The following PCDHA3 variants were observed in gnomAD, a reference collection of about 807,000 sequenced individuals.
The protein encoded by PCDHA3 is protocadherin alpha-3.
In PCDHA3, 41 loss-of-function variants were observed where a neutral mutation model predicts 62.2. The observed-to-expected ratio is 0.66, with a 90% confidence interval of 0.51 to 0.86. The LOEUF is 0.86. Ranked by LOEUF, PCDHA3 falls within the 40% of genes least tolerant of loss-of-function variation. The pLI is 0.00. For synonymous variants in PCDHA3, 640 were observed against 555.4 expected, an observed-to-expected ratio of 1.15 and a Z score of -2.14; for missense variants, 1,304 against 1,241.2, an observed-to-expected ratio of 1.05 and a Z score of -0.76.
At chr5:140,860,155 ATATATATATG>A (rs1439486095) in intron 1 of PCDHA3, 1 of 149,648 alleles carries the variant, frequency 6.7e-6, no homozygotes, top group Non-Finnish European at 1.5e-5. Flanking sequence ...ATATATGTGT[ATATATATATG>A]TATATATATA....
chr5:140,806,023 A>C (rs1763668138), intron 1 of PCDHA3, among the ~76,000 whole-genome samples: 1 of 152,204 alleles, frequency 6.6e-6, no homozygotes, highest in Non-Finnish European at 1.5e-5. Flanking sequence ...TGCTTATAAG[A>C]GATAAATTAA....
Position 141,010,327 on chromosome 5 carries a change from G to T in PCDHA3, c.*390G>T, listed in dbSNP as rs2098416942. 5 of 1,539,742 alleles carry T rather than the reference G, an allele frequency of 3.2e-6. No individual in the cohort carries two copies. The highest frequency in any genetic ancestry group is 2.4e-5 in the South Asian group (2 of 82,532). On this transcript the variant is annotated 3_prime_UTR_variant, in exon 4 of 4. Transcript: ENST00000522353. ...AAAGTTTTGAGATTGAGCAGCTTGGGAGTTTGTGGCCACTGGGTATGTGTG... is the reference window on the plus strand; with the variant it reads ...AAAGTTTTGAGATTGAGCAGCTTGGTAGTTTGTGGCCACTGGGTATGTGTG...
At chr5:140,865,692 T>C (rs2048967146) in intron 1 of PCDHA3, 1 of 152,212 alleles carries the variant, frequency 6.6e-6, no homozygotes, top group Non-Finnish European at 1.5e-5. Context: ...ATATGACTGT[T>C]CCAATTTGAA....
chr5:140,993,819 G>A (rs2097583362), intron 3 of PCDHA3, among the ~76,000 whole-genome samples: 1 of 152,142 alleles, frequency 6.6e-6, no homozygotes, highest in Non-Finnish European at 1.5e-5. Context: ...AGGAGCAATA[G>A]GCTATACCAT....
At chr5:141,007,299 T>C (rs550659664) in intron 3 of PCDHA3, among the ~76,000 whole-genome samples, 9 of 151,686 alleles carry the variant, frequency 5.9e-5, no homozygotes, top group African/African-American at 2.2e-4. Context: ...GCCTGTAATC[T>C]TAGCATTTTG....
At chr5:140,836,314 G>T (rs2150257460) in intron 1 of PCDHA3, 2 of 1,613,658 alleles carry the variant, frequency 1.2e-6, no homozygotes, top group South Asian at 1.1e-5. Flanking sequence ...GACGCACCGC[G>T]CCACCGCCTT....
chr5:140,818,145 ATACGGCTTC>A (rs2150049293), intron 1 of PCDHA3, among the ~76,000 whole-genome samples: 1 of 152,356 alleles, frequency 6.6e-6, no homozygotes, highest in African/African-American at 2.4e-5. Context: ...ATGCCTTCAA[ATACGGCTTC>A]TACTTCATAT....
intron 1 of PCDHA3, chr5:140,805,694 C>G (rs892183800): frequency 1.1e-5 from 7 of 658,378 alleles, no homozygotes; most frequent in Non-Finnish European, 1.3e-5. Context: ...ATCATGATTA[C>G]CAAGAATTAG....
chr5:140,977,383 G>A (rs2096759264), intron 1 of PCDHA3, among the ~76,000 whole-genome samples: 1 of 152,134 alleles, frequency 6.6e-6, no homozygotes, highest in Non-Finnish European at 1.5e-5. Context: ...ATATTTCCAG[G>A]TTTATAAAAT....
At chr5:140,967,057 A>T (rs1554229122) in intron 1 of PCDHA3, 1 of 1,612,704 alleles carries the variant, frequency 6.2e-7, no homozygotes, top group South Asian at 1.1e-5. Context: ...TGACGAGTGG[A>T]GCGCTCTTCG....
chr5:140,993,462 TCACACACACACACACACACACACA>T (rs3836747), intron 3 of PCDHA3, among the ~76,000 whole-genome samples: 3 of 140,938 alleles, frequency 2.1e-5, no homozygotes, highest in African/African-American at 5.3e-5. Flanking sequence ...TCTTTCTTTC[TCACACACACACACACACACACACA>T]CACACACACA....
At chr5:140,883,907 A>G (rs2059882679) in intron 1 of PCDHA3, 1 of 1,613,358 alleles carries the variant, frequency 6.2e-7, no homozygotes, top group African/African-American at 1.3e-5. Context: ...GCCTCTGGGC[A>G]GCAACGTGAC....
intron 1 of PCDHA3, chr5:140,967,309 A>G (rs782218334): frequency 6.2e-7 from 1 of 1,611,224 alleles, no homozygotes; most frequent in East Asian, 2.2e-5. Context: ...GCGCCAACTC[A>G]GTACAGACCT....
intron 1 of PCDHA3, chr5:140,817,098 T>C (rs1766065585): frequency 6.6e-6 from 1 of 152,248 alleles, no homozygotes; most frequent in African/African-American, 2.4e-5. Flanking sequence ...GCCACCCAGC[T>C]CTTTATTATT....
chr5:140,833,779 T>C (rs1330843349), intron 1 of PCDHA3, among the ~76,000 whole-genome samples: 1 of 152,042 alleles, frequency 6.6e-6, no homozygotes, highest in Non-Finnish European at 1.5e-5. Flanking sequence ...GCTTTCTAAG[T>C]TTCTCTTTCA....
At chr5:140,836,381 G>A in intron 1 of PCDHA3, 2 of 1,613,746 alleles carry the variant, frequency 1.2e-6, no homozygotes, top group Non-Finnish European at 1.7e-6. Context: ...CCACCGTGCT[G>A]GTGTCGCTGG....
chr5:140,932,593 A>G (rs1347990722), intron 1 of PCDHA3, among the ~76,000 whole-genome samples: 1 of 151,922 alleles, frequency 6.6e-6, no homozygotes, highest in African/African-American at 2.4e-5. Flanking sequence ...GATGTTTTGT[A>G]TATCTATTTT....
chr5:140,934,534 G>A (rs1248269957), intron 1 of PCDHA3, among the ~76,000 whole-genome samples: 1 of 152,062 alleles, frequency 6.6e-6, no homozygotes, highest in Admixed American at 6.6e-5. Flanking sequence ...GAGAGCTACC[G>A]TTCTAATTCT....
chr5:140,836,539 C>T (rs782621405), intron 1 of PCDHA3: 2 of 1,613,800 alleles, frequency 1.2e-6, no homozygotes, highest in South Asian at 1.1e-5. Flanking sequence ...CTGCTGTACA[C>T]GGCGTTGCGG....
Sources: allele counts gnomAD v4.1 joint callset (sites outside exome capture counted in the v4.1 genomes callset), GRCh38; gene constraint gnomAD v4.1.1; transcripts MANE v1.5; gene names NCBI Gene and HGNC (gene_info 2026-07-23, HGNC 2026-07-21).